KCNIP4: variants seen among roughly 807,000 people sequenced by gnomAD.
The protein encoded by KCNIP4 is Kv channel-interacting protein 4.
KCNIP4 carries 12 observed loss-of-function variants against 34.0 expected under a neutral mutation model. The observed-to-expected ratio is 0.35, with a 90% CI of 0.23 to 0.57. The LOEUF is 0.57. Ranked by LOEUF, KCNIP4 falls within the 20% of genes least tolerant of loss-of-function variation. KCNIP4 has a pLI of 0.83. For missense variants in KCNIP4, 238 were observed against 311.7 expected (o/e 0.76, Z 1.78); for synonymous variants, 124 against 102.2 (o/e 1.21, Z -1.29).
At chr4:21,029,925 A>C (rs28733592) in intron 1 of KCNIP4, among the ~76,000 whole-genome samples, 3,765 of 152,296 alleles carry the variant, frequency 0.025, 148 homozygotes, top group African/African-American at 0.085. Context: ...CAATAGTTTG[A>C]ACAGTTTCTT....
chr4:21,518,722 T>C (rs1244431997), intron 1 of KCNIP4, among the ~76,000 whole-genome samples: 1 of 152,098 alleles, frequency 6.6e-6, no homozygotes, highest in Non-Finnish European at 1.5e-5. Context: ...CTGTAAGTCA[T>C]CTCTGTTCTC....
At chr4:21,632,204 T>A (rs1745813920) in intron 1 of KCNIP4, among the ~76,000 whole-genome samples, 3 of 152,136 alleles carry the variant, frequency 2.0e-5, no homozygotes. Flanking sequence ...ACCCTACACT[T>A]TCGACTTCAA....
rs140482935 is a variant in KCNIP4, at chr4:21,265,006, C to T, written c.62-382297G>A. Among the ~76,000 whole-genome samples the T allele has an allele frequency of 5.3e-5, 8 of 152,052 alleles. No homozygotes were observed. The South Asian group carries it at 1.2e-3, about 24-fold the overall frequency. On this transcript the variant is annotated intron_variant, in intron 1 of 8. Transcript: ENST00000382152. ...CCCGGCAACTCGGGAGGCTGAGGCA[C>T]AAGAATTGCTTGAATCCAAAAGGTG... is the stretch of plus-strand genomic sequence containing the variant.
At chr4:21,740,750 T>A (rs1439601712) in intron 1 of KCNIP4, among the ~76,000 whole-genome samples, 1 of 152,064 alleles carries the variant, frequency 6.6e-6, no homozygotes, top group Non-Finnish European at 1.5e-5. Flanking sequence ...AATGAAAAAA[T>A]CTGATGGAGA....
At chr4:21,332,620 C>T (rs1715769179) in intron 1 of KCNIP4, among the ~76,000 whole-genome samples, 1 of 152,020 alleles carries the variant, frequency 6.6e-6, no homozygotes, top group African/African-American at 2.4e-5. Context: ...TCTATCTCCA[C>T]TCTCATCCAA....
At chr4:21,019,965 A>T (rs1168604825) in intron 1 of KCNIP4, among the ~76,000 whole-genome samples, 1 of 152,192 alleles carries the variant, frequency 6.6e-6, no homozygotes, top group Admixed American at 6.5e-5. Context: ...ACCAGAGTTC[A>T]GAAATTGATA....
At chr4:21,453,590 C>T (rs888575261) in intron 1 of KCNIP4, among the ~76,000 whole-genome samples, 7 of 151,968 alleles carry the variant, frequency 4.6e-5, no homozygotes, top group Non-Finnish European at 1.0e-4. Flanking sequence ...CCTCAGGGAG[C>T]TCACTCAAGC....
intron 1 of KCNIP4, among the ~76,000 whole-genome samples, chr4:21,881,775 A>G (rs1377896209): frequency 6.6e-6 from 1 of 152,194 alleles, no homozygotes; most frequent in African/African-American, 2.4e-5. Context: ...TGTTAATGAC[A>G]GTTTCCCAAA....
intron 1 of KCNIP4, among the ~76,000 whole-genome samples, chr4:21,423,756 C>T (rs867269458): frequency 7.9e-5 from 12 of 151,834 alleles, no homozygotes; most frequent in Admixed American, 7.9e-4. Context: ...CCAGCATTTG[C>T]TCTTTGTTTC....
intron 1 of KCNIP4, among the ~76,000 whole-genome samples, chr4:21,589,422 G>A (rs372969708): frequency 2.0e-5 from 3 of 148,480 alleles, no homozygotes; most frequent in Admixed American, 6.7e-5. Context: ...TCTAGAGAAG[G>A]TAATAGCTAA....
At chr4:21,455,530 T>G (rs990846631) in intron 1 of KCNIP4, among the ~76,000 whole-genome samples, 2 of 151,586 alleles carry the variant, frequency 1.3e-5, no homozygotes, top group Non-Finnish European at 2.9e-5. Context: ...GATATATAGA[T>G]GACAGATAGA....
chr4:21,519,742 T>G (rs1316505477), intron 1 of KCNIP4, among the ~76,000 whole-genome samples: 1 of 126,828 alleles, frequency 7.9e-6, no homozygotes, highest in Non-Finnish European at 1.6e-5. Flanking sequence ...ATATGTATGA[T>G]ACACACGTGT....
chr4:21,886,999 A>G (rs2109394510), intron 1 of KCNIP4, among the ~76,000 whole-genome samples: 1 of 152,278 alleles, frequency 6.6e-6, no homozygotes, highest in African/African-American at 2.4e-5. Flanking sequence ...TTAATTAAAG[A>G]TCTACTAAGC....
At chr4:21,110,862 G>A (rs1257477816) in intron 1 of KCNIP4, among the ~76,000 whole-genome samples, 5 of 152,108 alleles carry the variant, frequency 3.3e-5, no homozygotes, top group African/African-American at 1.2e-4. Context: ...CTACAGACCA[G>A]AACCGTGAGA....
chr4:21,368,983 A>C (rs1720069849), intron 1 of KCNIP4, among the ~76,000 whole-genome samples: 1 of 146,756 alleles, frequency 6.8e-6, no homozygotes, highest in African/African-American at 2.7e-5. Context: ...TTCATTTGTC[A>C]ATCCATCCAT....
At chr4:21,456,748 G>C (rs1347046646) in intron 1 of KCNIP4, among the ~76,000 whole-genome samples, 3 of 127,796 alleles carry the variant, frequency 2.3e-5, no homozygotes. Flanking sequence ...CTTGACTATT[G>C]CTGGGTGGTC....
At chr4:21,348,798 G>T (rs891717151) in intron 1 of KCNIP4, among the ~76,000 whole-genome samples, 2 of 152,170 alleles carry the variant, frequency 1.3e-5, no homozygotes, top group Non-Finnish European at 2.9e-5. Flanking sequence ...TCTGGCCTAT[G>T]CTAGGAGCCA....
At chr4:21,154,588 T>C (rs1273127441) in intron 1 of KCNIP4, among the ~76,000 whole-genome samples, 1 of 152,238 alleles carries the variant, frequency 6.6e-6, no homozygotes, top group Non-Finnish European at 1.5e-5. Flanking sequence ...AACACTTGCC[T>C]ATGCAACATC....
intron 1 of KCNIP4, among the ~76,000 whole-genome samples, chr4:21,150,243 A>G (rs1752662424): frequency 6.6e-6 from 1 of 152,188 alleles, no homozygotes; most frequent in African/African-American, 2.4e-5. Context: ...GTAGAACTCC[A>G]GAAAGTTTGA....
Sources: allele counts gnomAD v4.1 joint callset (sites outside exome capture counted in the v4.1 genomes callset), GRCh38; gene constraint gnomAD v4.1.1; transcripts MANE v1.5; gene names NCBI Gene and HGNC (gene_info 2026-07-23, HGNC 2026-07-21).